Variants in NGF observed in about 807,000 individuals in gnomAD.
The protein encoded by NGF is beta-nerve growth factor.
A neutral mutation model predicts 12.8 loss-of-function variants in NGF; 4 were observed. The ratio of observed to expected loss-of-function variants is 0.31; its 90% confidence interval spans 0.15 to 0.72. The LOEUF (loss-of-function observed/expected upper bound fraction) is 0.72, where lower values mean the gene tolerates loss of function less well. Ranked by LOEUF, NGF falls within the 30% of genes least tolerant of loss-of-function variation. The pLI, the probability that NGF is intolerant of heterozygous loss-of-function variation, is 0.69. For synonymous variants in NGF, 140 were observed against 130.0 expected, an observed-to-expected ratio of 1.08 and a Z score of -0.52; for missense variants, 283 against 330.8, an observed-to-expected ratio of 0.86 and a Z score of 1.12.
intron 1 of NGF, among the ~76,000 whole-genome samples, chr1:115,318,221 G>A (rs114253799): frequency 0.022 from 3,348 of 152,262 alleles, 60 homozygotes; most frequent in African/African-American, 0.028. Flanking sequence ...GGCATGGTTT[G>A]GTGAGCTGAG....
chr1:115,314,356 C>A (rs971512989), intron 1 of NGF, among the ~76,000 whole-genome samples: 10 of 152,214 alleles, frequency 6.6e-5, no homozygotes, highest in African/African-American at 2.4e-4. Context: ...CTGTTTTCCT[C>A]ATCACACAAA....
intron 2 of NGF, among the ~76,000 whole-genome samples, chr1:115,290,195 T>C (rs990569689): frequency 2.0e-5 from 3 of 151,994 alleles, no homozygotes; most frequent in Non-Finnish European, 4.4e-5. Flanking sequence ...CTGGGGGCAG[T>C]TCCTGCTTGA....
At chr1:115,333,808 CTTTT>C (rs1227300972) in intron 1 of NGF, among the ~76,000 whole-genome samples, 50 of 141,076 alleles carry the variant, frequency 3.5e-4, no homozygotes, top group African/African-American at 1.4e-3. Context: ...CTTTCTTTCT[CTTTT>C]TCTTTCTTTC....
intron 1 of NGF, among the ~76,000 whole-genome samples, chr1:115,298,928 C>A (rs1168352154): frequency 2.0e-5 from 3 of 152,076 alleles, no homozygotes; most frequent in Non-Finnish European, 4.4e-5. Context: ...CTACTGTGAT[C>A]TTCCTGGCTG....
chr1:115,302,444 T>C (rs1249347103), intron 1 of NGF, among the ~76,000 whole-genome samples: 1 of 152,186 alleles, frequency 6.6e-6, no homozygotes, highest in Non-Finnish European at 1.5e-5. Flanking sequence ...CAGCCGCTGG[T>C]TATGTTGTGC....
At chr1:115,297,972 G>C (rs1298422904) in intron 1 of NGF, among the ~76,000 whole-genome samples, 1 of 152,184 alleles carries the variant, frequency 6.6e-6, no homozygotes, top group African/African-American at 2.4e-5. Flanking sequence ...GGGTGAATGG[G>C]AAGCTTGGAA....
Position 115,296,303 on chromosome 1 carries a change from C to T in NGF, c.-136-2553G>A, listed in dbSNP as rs562992526. Reference sequence around the variant, plus strand: ...CCACTTCTGGGGCCTGCCCACTGAACGTCTTCCTATAGGACACAAAAAGCC... The same window carrying T: ...CCACTTCTGGGGCCTGCCCACTGAATGTCTTCCTATAGGACACAAAAAGCC... On this transcript the variant is annotated intron_variant, in intron 1 of 2. Coordinates refer to ENST00000369512, the MANE Select transcript of NGF (RefSeq NM_002506.3). Among the ~76,000 whole-genome samples the T allele has an allele frequency of 1.3e-4, 20 of 152,298 alleles. No individual in the cohort carries two copies. The South Asian group carries it at 3.7e-3, about 28-fold the overall frequency.
At chr1:115,315,394 A>G (rs1194792883) in intron 1 of NGF, among the ~76,000 whole-genome samples, 1 of 152,138 alleles carries the variant, frequency 6.6e-6, no homozygotes, top group Non-Finnish European at 1.5e-5. Context: ...AGACAATGGA[A>G]GTGGGATATA....
chr1:115,319,582 A>G (rs2101046918), intron 1 of NGF, among the ~76,000 whole-genome samples: 1 of 152,338 alleles, frequency 6.6e-6, no homozygotes, highest in Admixed American at 6.5e-5. Context: ...GAGAAGTGGA[A>G]TGGTAGTGCG....
intron 1 of NGF, among the ~76,000 whole-genome samples, chr1:115,314,516 T>G (rs1013137329): frequency 1.3e-5 from 2 of 152,228 alleles, no homozygotes; most frequent in African/African-American, 4.8e-5. Flanking sequence ...CTGTGGCTAG[T>G]GCTTGGTAAT....
chr1:115,331,556 C>G (rs1282683598), intron 1 of NGF, among the ~76,000 whole-genome samples: 1 of 152,184 alleles, frequency 6.6e-6, no homozygotes, highest in Non-Finnish European at 1.5e-5. Context: ...TGGTCTGTAC[C>G]CATGTGTGGA....
At position 115,286,024 on chromosome 1, in the gene NGF, C is replaced by A. The variant is rs1454933660; in HGVS notation, c.*46G>T. The A allele has an allele frequency of 8.7e-6, 14 of 1,605,934 alleles. No homozygotes were observed. The highest frequency in any genetic ancestry group is 1.3e-5 in the African/African-American group (1 of 74,772). ...ATTTACAGGTTGAGGTAGGGAGGGG[C>A]CCAGGAGAGTGTAGAAGGGGCAGGG... is the stretch of plus-strand genomic sequence containing the variant. On this transcript the variant is annotated 3_prime_UTR_variant, in exon 3 of 3. Coordinates refer to ENST00000369512, the MANE Select transcript of NGF (RefSeq NM_002506.3).
intron 1 of NGF, among the ~76,000 whole-genome samples, chr1:115,320,852 T>A (rs886071789): frequency 1.3e-5 from 2 of 152,136 alleles, no homozygotes; most frequent in Middle Eastern, 3.2e-3. Context: ...TTCTGCTGTG[T>A]GATTATCCGT....
At chr1:115,290,253 T>A (rs1392650284) in intron 2 of NGF, among the ~76,000 whole-genome samples, 1 of 152,072 alleles carries the variant, frequency 6.6e-6, no homozygotes, top group Admixed American at 6.6e-5. Flanking sequence ...CCAGGTATGC[T>A]CCCCTACCCT....
intron 1 of NGF, among the ~76,000 whole-genome samples, chr1:115,307,790 T>C (rs557511936): frequency 6.6e-6 from 1 of 152,370 alleles, no homozygotes; most frequent in Admixed American, 6.5e-5. Context: ...AGTGATTTCA[T>C]CTCATAGGTT....
chr1:115,310,363 G>A (rs4644491), intron 1 of NGF, among the ~76,000 whole-genome samples: 81,841 of 152,000 alleles, frequency 0.54, 23,279 homozygotes, highest in Non-Finnish European at 0.64. Flanking sequence ...GCCCTTCCAT[G>A]TGTCCTTTCT....
At chr1:115,330,607 G>T (rs1006615171) in intron 1 of NGF, among the ~76,000 whole-genome samples, 1 of 152,178 alleles carries the variant, frequency 6.6e-6, no homozygotes, top group African/African-American at 2.4e-5. Flanking sequence ...TTTCAGGGAT[G>T]ATTTTGTTTC....
chr1:115,311,414 T>C (rs1654332445), intron 1 of NGF, among the ~76,000 whole-genome samples: 1 of 152,194 alleles, frequency 6.6e-6, no homozygotes, highest in East Asian at 1.9e-4. Flanking sequence ...ATGCTTTATG[T>C]ATTTGAGAAT....
intron 1 of NGF, among the ~76,000 whole-genome samples, chr1:115,326,866 C>T (rs1654793671): frequency 6.6e-6 from 1 of 152,184 alleles, no homozygotes; most frequent in Non-Finnish European, 1.5e-5. Context: ...CCCCATCCAT[C>T]AACCATATCC....
Sources: allele counts gnomAD v4.1 joint callset (sites outside exome capture counted in the v4.1 genomes callset), GRCh38; gene constraint gnomAD v4.1.1; transcripts MANE v1.5; gene names NCBI Gene and HGNC (gene_info 2026-07-23, HGNC 2026-07-21).